TANC2: variants seen among roughly 807,000 people sequenced by gnomAD.
TANC2 encodes tetratricopeptide repeat, ankyrin repeat and coiled-coil containing 2.
TANC2 carries 26 observed loss-of-function variants against 210.5 expected under a neutral mutation model. That is an observed-to-expected ratio of 0.12 (90% CI 0.09 to 0.17). TANC2 has a LOEUF of 0.17. Among genes scored for constraint, TANC2 ranks in the 10% least tolerant of loss-of-function variants. The pLI, the probability that TANC2 is intolerant of heterozygous loss-of-function variation, is 1.00. For missense variants in TANC2, 2,129 were observed against 2,608.9 expected (o/e 0.82, Z 4.01); for synonymous variants, 931 against 967.1 (o/e 0.96, Z 0.69).
At chr17:63,043,113 T>A (rs2035251827) in intron 2 of TANC2, among the ~76,000 whole-genome samples, 1 of 152,120 alleles carries the variant, frequency 6.6e-6, no homozygotes, top group Non-Finnish European at 1.5e-5. Flanking sequence ...AAATTGTTGA[T>A]AGGCTTGGTT....
intron 11 of TANC2, among the ~76,000 whole-genome samples, chr17:63,336,880 A>G (rs544684157): frequency 1.1e-3 from 164 of 152,350 alleles, no homozygotes; most frequent in African/African-American, 3.8e-3. Flanking sequence ...ACCATTCCCA[A>G]GGAGCTGTAA....
At chr17:63,374,207 T>C (rs546868198) in intron 14 of TANC2, among the ~76,000 whole-genome samples, 5 of 151,838 alleles carry the variant, frequency 3.3e-5, no homozygotes, top group African/African-American at 4.8e-5. Flanking sequence ...TGGCTAACTT[T>C]TTAACTTTTT....
intron 14 of TANC2, among the ~76,000 whole-genome samples, chr17:63,365,900 A>G (rs2047096085): frequency 6.6e-6 from 1 of 151,846 alleles, no homozygotes; most frequent in Non-Finnish European, 1.5e-5. Flanking sequence ...CCTTTCTAAC[A>G]CTTATCACAA....
exon 20 of TANC2, chr17:63,405,164 G>A (rs753330160): frequency 8.7e-6 from 14 of 1,612,990 alleles, no homozygotes; most frequent in East Asian, 2.2e-5. Context: ...GAGGTGTGCC[G>A]TTTGCTCTTG....
intron 5 of TANC2, among the ~76,000 whole-genome samples, chr17:63,165,732 A>C (rs186706881): frequency 6.6e-6 from 1 of 152,242 alleles, no homozygotes; most frequent in African/African-American, 2.4e-5. Flanking sequence ...TACTCTGATC[A>C]GTGTATCAAT....
At position 63,420,672 on chromosome 17, in the gene TANC2, T is replaced by C; in HGVS notation, c.4942T>C (p.Tyr1648His). The C allele has an allele frequency of 6.2e-7, 1 of 1,613,692 alleles. No individual in the cohort carries two copies. The highest frequency in any genetic ancestry group is 8.5e-7 in the Non-Finnish European group (1 of 1,179,744). Residue 1648 changes from tyrosine to histidine, a missense_variant, in exon 28 of 28, where the codon TAT becomes CAT. This residue lies in a region of TANC2 where 584 missense variants were observed against 627.3 expected (regional missense o/e 0.93). Transcript: ENST00000689528. This position sits in a 1 kb window ranked among gnomAD's most constrained non-coding sequence, Gnocchi z 4.2. ...ATCCCAGTCTGGTTCACCCGTGCGC[T>C]ATCAGCAGGAAACAAGCGTCAGTCA...
chr17:63,007,146 T>G (rs928936907), intron 1 of TANC2, among the ~76,000 whole-genome samples: 3 of 152,148 alleles, frequency 2.0e-5, no homozygotes, highest in African/African-American at 7.2e-5. Context: ...GGAGGATCAC[T>G]TGAGCCCAGG....
chr17:63,120,053 A>T (rs950475172), intron 4 of TANC2, among the ~76,000 whole-genome samples: 4 of 126,198 alleles, frequency 3.2e-5, no homozygotes, highest in Admixed American at 7.4e-5. Flanking sequence ...TCTGTCTCAT[A>T]AAAAAAAAAA....
chr17:63,187,004 T>A (rs1444491782), intron 5 of TANC2, among the ~76,000 whole-genome samples: 2 of 152,182 alleles, frequency 1.3e-5, no homozygotes, highest in African/African-American at 4.8e-5. Context: ...TAGGGACATA[T>A]CTTAATTGGA....
At position 63,172,152 on chromosome 17, in the gene TANC2, C is replaced by T. The variant is rs933341547; in HGVS notation, c.433+20772C>T. ...GAGAGAAGAAAGAATTAAACTACAG[C>T]TGAGTCATCACAGCATTTTTCTTTT... On this transcript the variant is annotated intron_variant, in intron 5 of 27. Transcript: ENST00000689528. Among the ~76,000 whole-genome samples the T allele has an allele frequency of 4.0e-5, 6 of 151,482 alleles. No individual in the cohort carries two copies. In the East Asian group the frequency reaches 7.7e-4, roughly 20 times the overall value.
chr17:63,126,219 C>T (rs1427464078), intron 4 of TANC2, among the ~76,000 whole-genome samples: 1 of 152,172 alleles, frequency 6.6e-6, no homozygotes. Context: ...GTCTTTAGCA[C>T]AATGCCTGGC....
intron 2 of TANC2, among the ~76,000 whole-genome samples, chr17:63,048,999 C>T (rs111522321): frequency 0.03 from 4,492 of 152,054 alleles, 83 homozygotes; most frequent in South Asian, 0.037. Context: ...CTTAGTAAAA[C>T]GGAATATTAT....
intron 3 of TANC2, among the ~76,000 whole-genome samples, chr17:63,087,144 A>G (rs1461990266): frequency 6.6e-6 from 1 of 152,226 alleles, no homozygotes; most frequent in Non-Finnish European, 1.5e-5. Flanking sequence ...ACCCATCGGA[A>G]GGAACCAAAT....
At chr17:63,012,753 A>ACTTC (rs2033928768) in intron 2 of TANC2, among the ~76,000 whole-genome samples, 1 of 152,000 alleles carries the variant, frequency 6.6e-6, no homozygotes, top group African/African-American at 2.4e-5. Flanking sequence ...CTAGGCCCAA[A>ACTTC]CTTCCCTTCC....
At chr17:63,329,797 A>G (rs567088279) in intron 11 of TANC2, among the ~76,000 whole-genome samples, 2 of 152,306 alleles carry the variant, frequency 1.3e-5, no homozygotes, top group African/African-American at 4.8e-5. Context: ...TCTCTGAGAC[A>G]CAATATTGAA....
intron 9 of TANC2, among the ~76,000 whole-genome samples, chr17:63,287,544 TA>T (rs1181646468): frequency 2.0e-5 from 3 of 152,222 alleles, no homozygotes; most frequent in Non-Finnish European, 4.4e-5. Context: ...TCTGAAATGT[TA>T]TTTGCAGACA....
chr17:63,426,368 A>G (rs1035927549), exon 28 of TANC2: 3 of 152,466 alleles, frequency 2.0e-5, no homozygotes, highest in African/African-American at 7.2e-5. Context: ...GGCTGCTCCC[A>G]AGAAAAGGTG....
intron 5 of TANC2, among the ~76,000 whole-genome samples, chr17:63,158,226 T>C (rs2039905086): frequency 6.6e-6 from 1 of 152,166 alleles, no homozygotes; most frequent in Non-Finnish European, 1.5e-5. Context: ...TCTACTCTGG[T>C]TCCTTGTCTA....
intron 7 of TANC2, among the ~76,000 whole-genome samples, chr17:63,233,495 T>C (rs2042538375): frequency 6.6e-6 from 1 of 152,218 alleles, no homozygotes; most frequent in Non-Finnish European, 1.5e-5. Context: ...GTGTGGCTCC[T>C]GAGTGGGCCA....
Sources: allele counts gnomAD v4.1 joint callset (sites outside exome capture counted in the v4.1 genomes callset), GRCh38; gene constraint gnomAD v4.1.1; regional missense constraint gnomAD v4.1.1; non-coding constraint Gnocchi (gnomAD v3.1); transcripts MANE v1.5; gene names NCBI Gene and HGNC (gene_info 2026-07-23, HGNC 2026-07-21).